Variants in CAPN9 observed in about 807,000 individuals in gnomAD.
CAPN9 encodes the protein calpain-9.
In CAPN9, 81 loss-of-function variants were observed where a neutral mutation model predicts 92.8. The observed-to-expected ratio is 0.87, with a 90% CI of 0.73 to 1.05. CAPN9 has a LOEUF of 1.05. Among genes scored for constraint, CAPN9 ranks in the 50% least tolerant of loss-of-function variants. The probability of loss-of-function intolerance (pLI) is 0.00; values close to 1 mark genes in which losing one functional copy is unlikely to be tolerated. For missense variants in CAPN9, 848 were observed against 866.2 expected (o/e 0.98, Z 0.26); for synonymous variants, 304 against 328.0 (o/e 0.93, Z 0.79).
rs745407698 is a variant in CAPN9 at position 230,768,045 on chromosome 1, TAAATAAATAAA to T, written c.705+344_705+354del. On this transcript the variant is annotated intron_variant, in intron 5 of 19. Transcript: ENST00000271971. ...ATAAATAAATAAATAAATAAATAAA[TAAATAAATAAA>T]AAATAAAATAAAATAAAATAAAAAT... Among the ~76,000 whole-genome samples the T allele has an allele frequency of 1.5e-3, 185 of 123,274 alleles. 1 individual carries two copies. The East Asian group carries it at 0.017, about 11-fold the overall frequency. The allele number at this position is 123,274 out of a possible 152,430, so 80.9% of individuals were successfully genotyped here.
intron 4 of CAPN9, 38 bp from the exon 5 acceptor site, chr1:230,767,503 T>G (rs1666066234): frequency 6.4e-7 from 1 of 1,565,780 alleles, no homozygotes; most frequent in Non-Finnish European, 8.6e-7. Context: ...CCTCCCTAGG[T>G]CCCTGACTCT....
At chr1:230,790,454 C>T (rs754049046) in intron 14 of CAPN9, 44 of 253,000 alleles carry the variant, frequency 1.7e-4, no homozygotes, top group Non-Finnish European at 2.6e-4. Context: ...CCACTCTTAA[C>T]ATATGTGTAT....
Position 230,780,333 on chromosome 1 carries a change from T to TGAG in CAPN9, c.1271_1272+1dup. ...TGCTGACAATCGGCTATGCCATTTA[T>TGAG]GAGGTAGGTGGGAACCACACTGCAT... On this transcript the variant is annotated inframe_insertion, in exon 10 of 20. Coordinates refer to ENST00000271971, the MANE Select transcript of CAPN9 (RefSeq NM_006615.3). The TGAG allele has an allele frequency of 6.2e-7, 1 of 1,613,838 alleles. No homozygotes were observed. The highest frequency in any genetic ancestry group is 8.5e-7 in the Non-Finnish European group (1 of 1,179,848).
chr1:230,764,872 G>T (rs1665870198), intron 4 of CAPN9, among the ~76,000 whole-genome samples: 1 of 152,206 alleles, frequency 6.6e-6, no homozygotes, highest in South Asian at 2.1e-4. Context: ...TAGCTTAACA[G>T]AGATGGTTAT....
chr1:230,760,917 T>C (rs906544863), intron 3 of CAPN9, among the ~76,000 whole-genome samples: 6 of 152,156 alleles, frequency 3.9e-5, no homozygotes, highest in African/African-American at 1.4e-4. Flanking sequence ...CCACCACCTC[T>C]TGGGCTCCCA....
rs1292432594 is a variant in CAPN9, at chr1:230,757,007, A to C, written c.283+1601A>C. ...GAGAGAGGGAGGAAGGGAGGGAGGG[A>C]GGATGGAAGGAAGGAAGGAAGGAAG... On this transcript the variant is annotated intron_variant, in intron 2 of 19. Coordinates refer to ENST00000271971, the MANE Select transcript of CAPN9 (RefSeq NM_006615.3). Among the ~76,000 whole-genome samples, 43 of 106,140 alleles carry C rather than the reference A, an allele frequency of 4.1e-4. 1 individual carries two copies. The highest frequency in any genetic ancestry group is 1.5e-3 in the African/African-American group (43 of 27,770). 69.6% of individuals were successfully genotyped at this position (106,140 alleles called of 152,430 possible). A position where few individuals can be genotyped will look rare whatever the true frequency, so the allele number is the denominator to read the frequency against.
intron 19 of CAPN9, among the ~76,000 whole-genome samples, chr1:230,801,331 A>G (rs1011958042): frequency 1.1e-4 from 16 of 152,158 alleles, no homozygotes; most frequent in Admixed American, 9.8e-4. Context: ...TGTCTTACCA[A>G]CTGTGCTTGA....
At chr1:230,787,672 C>T in intron 13 of CAPN9, 70 bp downstream of exon 13, 2 of 1,386,578 alleles carry the variant, frequency 1.4e-6, no homozygotes, top group South Asian at 2.3e-5. Context: ...CAAAGGGTTG[C>T]AGTCGTGGGG....
intron 8 of CAPN9, among the ~76,000 whole-genome samples, chr1:230,777,181 G>A (rs1340336537): frequency 6.6e-6 from 1 of 152,196 alleles, no homozygotes; most frequent in African/African-American, 2.4e-5. Flanking sequence ...GGTCAGGCTA[G>A]TGGAAAGAAG....
intron 1 of CAPN9, among the ~76,000 whole-genome samples, chr1:230,751,722 T>C (rs527308988): frequency 1.7e-3 from 250 of 151,234 alleles, no homozygotes; most frequent in Non-Finnish European, 2.5e-3. Context: ...TCACTGTGCT[T>C]AGTAGAGGAA....
chr1:230,773,388 C>T (rs996617272), intron 7 of CAPN9, among the ~76,000 whole-genome samples: 4 of 152,150 alleles, frequency 2.6e-5, no homozygotes, highest in African/African-American at 9.7e-5. Context: ...GACTGCGTCA[C>T]GTTGTAAGAT....
At chr1:230,790,430 A>C (rs1572085368) in intron 14 of CAPN9, 3 of 448,892 alleles carry the variant, frequency 6.7e-6, no homozygotes, top group Non-Finnish European at 8.8e-6. Flanking sequence ...AAATGATCTC[A>C]CCACCATAAA....
intron 4 of CAPN9, among the ~76,000 whole-genome samples, chr1:230,764,235 C>A (rs1418545150): frequency 1.3e-5 from 2 of 152,154 alleles, no homozygotes; most frequent in African/African-American, 4.8e-5. Flanking sequence ...GGATTGCTGC[C>A]ACCAATGTGG....
chr1:230,762,864 GC>G, intron 4 of CAPN9, 78 bp downstream of exon 4: 1 of 1,441,930 alleles, frequency 6.9e-7, no homozygotes, highest in East Asian at 2.5e-5. Flanking sequence ...GCATCTAAGG[GC>G]TGGGAAAAAA....
chr1:230,767,235 C>T (rs1038760275), intron 4 of CAPN9, among the ~76,000 whole-genome samples: 21 of 152,104 alleles, frequency 1.4e-4, no homozygotes, highest in Non-Finnish European at 2.5e-4. Context: ...AAGGCACTAG[C>T]GACTTGGTCA....
At chr1:230,771,736 T>TG in intron 6 of CAPN9, among the ~76,000 whole-genome samples, 1 of 152,240 alleles carries the variant, frequency 6.6e-6, no homozygotes, top group Non-Finnish European at 1.5e-5. Context: ...TTCTTGTTAA[T>TG]TGCAATTCTA....
chr1:230,767,011 A>G (rs1301146111), intron 4 of CAPN9, among the ~76,000 whole-genome samples: 3 of 152,324 alleles, frequency 2.0e-5, no homozygotes, highest in Admixed American at 6.5e-5. Context: ...AGCAGAGCAC[A>G]TATATGTAAA....
At chr1:230,795,945 A>AG (rs1386985831) in intron 18 of CAPN9, among the ~76,000 whole-genome samples, 1 of 151,120 alleles carries the variant, frequency 6.6e-6, no homozygotes, top group Admixed American at 6.6e-5. Context: ...ACTTAGGAGC[A>AG]GGGGGCCCCG....
intron 11 of CAPN9, 127 bp downstream of exon 11, chr1:230,780,835 C>T (rs2102898658): frequency 1.5e-6 from 1 of 652,544 alleles, no homozygotes; most frequent in Non-Finnish European, 2.6e-6. Context: ...AGAAACAAGG[C>T]AGGATGGTTT....
Sources: gnomAD v4.1 joint callset for allele counts (sites outside exome capture counted in the v4.1 genomes callset) on GRCh38, gnomAD v4.1.1 for gene constraint, MANE v1.5 for transcripts, NCBI Gene and HGNC (gene_info 2026-07-23, HGNC 2026-07-21) for gene names.